Variants in OTOGL observed in about 807,000 individuals in gnomAD.
The protein encoded by OTOGL is otogelin like.
A neutral mutation model predicts 318.5 loss-of-function variants in OTOGL; 285 were observed. The observed-to-expected ratio is 0.89, with a 90% confidence interval of 0.81 to 0.99. The LOEUF (loss-of-function observed/expected upper bound fraction) is 0.99. Among genes scored for constraint, OTOGL ranks in the 50% least tolerant of loss-of-function variants. The pLI, the probability that OTOGL is intolerant of heterozygous loss-of-function variation, is 0.00. For synonymous variants in OTOGL, 987 were observed against 936.5 expected (o/e 1.05, Z -0.99); for missense variants, 2,899 against 2,845.6 (o/e 1.02, Z -0.43).
intron 11 of OTOGL, among the ~76,000 whole-genome samples, chr12:80,247,021 AT>A (rs1415735262): frequency 2.4e-5 from 2 of 82,590 alleles, no homozygotes; most frequent in Admixed American, 2.4e-4. Context: ...CCCCTTTATC[AT>A]TTTTTATTGT....
chr12:80,351,414 C>T (rs887965570), intron 44 of OTOGL, among the ~76,000 whole-genome samples: 3 of 152,026 alleles, frequency 2.0e-5, no homozygotes, highest in Admixed American at 2.0e-4. Flanking sequence ...CTCCCGGGTT[C>T]AAGAGATTCT....
chr12:80,125,810 T>C (rs188648813), intron 1 of OTOGL, among the ~76,000 whole-genome samples: 74 of 152,348 alleles, frequency 4.9e-4, no homozygotes, highest in African/African-American at 1.5e-3. Context: ...TTCTAGATTT[T>C]CTAGTTTATT....
intron 13 of OTOGL, among the ~76,000 whole-genome samples, chr12:80,252,456 C>A (rs571902610): frequency 1.3e-5 from 2 of 151,948 alleles, no homozygotes; most frequent in Non-Finnish European, 2.9e-5. Context: ...ATCTTTTGTT[C>A]GATCAATATT....
rs949873476 is a variant in OTOGL at position 80,379,433 on chromosome 12, G to C, written c.*1385G>C. ...CTTACTGAATATTTTAGATCTCTTG[G>C]GTTACTTAAATATGTGTGAAAAAAT... On this transcript the variant is annotated 3_prime_UTR_variant, in exon 59 of 59. Transcript: ENST00000547103. 1.4e-4 allele frequency: 21 copies of C among 145,646 alleles called. No homozygotes were observed. Among genetic ancestry groups the C allele is most frequent in the Non-Finnish European group, 6.0e-5 (4 of 66,406 alleles). The allele number at this position is 145,646 out of a possible 1,614,324, so 9.0% of individuals were successfully genotyped here.
intron 12 of OTOGL, 62 bp from the exon 13 acceptor site, chr12:80,252,014 A>T (rs542003666): frequency 1.4e-6 from 2 of 1,406,966 alleles, no homozygotes; most frequent in East Asian, 5.3e-5. Context: ...TAAAATTATA[A>T]TTTTAAAAAA....
intron 35 of OTOGL, among the ~76,000 whole-genome samples, chr12:80,325,477 G>A (rs920124523): frequency 5.3e-5 from 8 of 152,194 alleles, no homozygotes; most frequent in South Asian, 4.1e-4. Context: ...AAAACCAACC[G>A]AGGCACAGAG....
At chr12:80,150,144 GCT>G (rs905566629) in intron 1 of OTOGL, among the ~76,000 whole-genome samples, 9 of 152,166 alleles carry the variant, frequency 5.9e-5, no homozygotes, top group African/African-American at 2.2e-4. Context: ...AAAGGACTTT[GCT>G]CTCTCTCAAA....
Position 80,377,877 on chromosome 12 carries a change from C to T in OTOGL, c.6891C>T (p.Cys2297=). ...PINVASCDGK[C]PSATIYNINI... is the part of the protein sequence containing the mutation. ...ATGTTGCATCTTGTGACGGCAAATG[C>T]CCATCAGCTACCATATATAACATCA... Residue 2297 remains cysteine, a synonymous_variant, in exon 59 of 59, where the codon TGC becomes TGT. Transcript: ENST00000547103. 6.2e-7 allele frequency: 1 copy of T among 1,611,022 alleles called. No individual in the cohort carries two copies. The highest frequency in any genetic ancestry group is 8.5e-7 in the Non-Finnish European group (1 of 1,178,056).
intron 1 of OTOGL, among the ~76,000 whole-genome samples, chr12:80,137,810 C>A (rs1254518142): frequency 2.6e-5 from 4 of 152,058 alleles, no homozygotes; most frequent in African/African-American, 9.7e-5. Flanking sequence ...TAGGATGCAG[C>A]TGTGATGACT....
At chr12:80,100,328 TCTC>T (rs1350716331) in intron 1 of OTOGL, among the ~76,000 whole-genome samples, 3 of 152,134 alleles carry the variant, frequency 2.0e-5, no homozygotes, top group African/African-American at 7.2e-5. Flanking sequence ...AGATCTTACT[TCTC>T]CTAACAACAA....
rs999996990 is a variant in OTOGL, at chr12:80,266,528, C to G, written c.2302C>G (p.Pro768Ala). Residue 768 changes from proline (P) to alanine (A), a missense_variant, in exon 21 of 59, where the codon CCG becomes GCG. Around this residue, in one of 3 missense-constraint regions of OTOGL, gnomAD observed 2,607 missense variants for 2,524.9 expected, o/e 1.03. Transcript: ENST00000547103. ...CCATTCCTGCATTTCTCTCTCTTCCCCGGAGCAGTGCAGTGATGACTGTGC... is the reference window on the plus strand; with the variant it reads ...CCATTCCTGCATTTCTCTCTCTTCCGCGGAGCAGTGCAGTGATGACTGTGC... Reference protein sequence around the residue: ...CLHSCISLSSPEQCSDDCAEG... With the variant: ...CLHSCISLSSAEQCSDDCAEG... 2 of 1,613,272 alleles carry G rather than the reference C, an allele frequency of 1.2e-6. No individual in the cohort carries two copies. The highest frequency in any genetic ancestry group is 2.7e-5 in the African/African-American group (2 of 74,898).
chr12:80,125,139 G>T (rs1186377654), intron 1 of OTOGL, among the ~76,000 whole-genome samples: 1 of 152,216 alleles, frequency 6.6e-6, no homozygotes, highest in East Asian at 1.9e-4. Flanking sequence ...AATGCTTCCA[G>T]GTTCTGCCCA....
chr12:80,217,712 C>CT, intron 5 of OTOGL, 48 bp downstream of exon 5: 1 of 1,326,236 alleles, frequency 7.5e-7, no homozygotes, highest in South Asian at 1.3e-5. Context: ...CAGAAAATCC[C>CT]TTTGGGGGAT....
intron 1 of OTOGL, among the ~76,000 whole-genome samples, chr12:80,156,379 A>C (rs180898208): frequency 0.019 from 2,824 of 152,276 alleles, 81 homozygotes; most frequent in African/African-American, 0.062. Flanking sequence ...CCTTGTGGTC[A>C]CGTGAGTCAA....
At chr12:80,310,295 A>G (rs1307730345) in intron 29 of OTOGL, among the ~76,000 whole-genome samples, 1 of 152,184 alleles carries the variant, frequency 6.6e-6, no homozygotes, top group Non-Finnish European at 1.5e-5. Flanking sequence ...AATGAAGAAG[A>G]TGAAGATGAA....
intron 3 of OTOGL, 108 bp from the exon 4 acceptor site, chr12:80,211,841 G>A: frequency 1.1e-6 from 1 of 912,458 alleles, no homozygotes; most frequent in Non-Finnish European, 1.7e-6. Flanking sequence ...AGACCTCTTT[G>A]ATAAAGTGAT....
chr12:80,309,912 C>T (rs569282425), intron 29 of OTOGL, among the ~76,000 whole-genome samples: 4 of 151,922 alleles, frequency 2.6e-5, no homozygotes, highest in African/African-American at 4.8e-5. Context: ...GAAGCCAGGA[C>T]GCGTGTACCG....
chr12:80,367,501 G>A (rs1362309580), intron 53 of OTOGL, 60 bp from the exon 54 acceptor site: 19 of 1,260,104 alleles, frequency 1.5e-5, no homozygotes, highest in South Asian at 1.7e-5. Flanking sequence ...AAGTTCCAAC[G>A]ATGGATTAGT....
At chr12:80,163,754 G>A (rs1165569494) in intron 1 of OTOGL, among the ~76,000 whole-genome samples, 1 of 151,988 alleles carries the variant, frequency 6.6e-6, no homozygotes, top group Non-Finnish European at 1.5e-5. Flanking sequence ...GGCCCAGTTG[G>A]GTATGTTTTT....
Sources: gnomAD v4.1 joint callset for allele counts (sites outside exome capture counted in the v4.1 genomes callset) on GRCh38, gnomAD v4.1.1 for gene constraint, gnomAD v4.1.1 regional missense constraint, MANE v1.5 for transcripts, NCBI Gene and HGNC (gene_info 2026-07-23, HGNC 2026-07-21) for gene names.